The following ZNF831 variants were observed in gnomAD, a reference collection of about 807,000 sequenced individuals.
ZNF831 encodes zinc finger protein 831.
A neutral mutation model predicts 95.8 loss-of-function variants in ZNF831; 59 were observed. The observed-to-expected ratio is 0.62, with a 90% CI of 0.50 to 0.77. The LOEUF (loss-of-function observed/expected upper bound fraction) is 0.77, where lower values mean the gene tolerates loss of function less well. Ranked by LOEUF, ZNF831 falls within the 30% of genes least tolerant of loss-of-function variation. The pLI, the probability that ZNF831 is intolerant of heterozygous loss-of-function variation, is 0.00. For synonymous variants in ZNF831, 961 were observed against 925.5 expected, an observed-to-expected ratio of 1.04 and a Z score of -0.70; for missense variants, 2,205 against 2,164.0, an observed-to-expected ratio of 1.02 and a Z score of -0.38.
At chr20:59,149,155 GATCAGACCAGAGGTGCCATCAGAAA>G (rs1395295125) in intron 2 of ZNF831, among the ~76,000 whole-genome samples, 3 of 152,222 alleles carry the variant, frequency 2.0e-5, no homozygotes, top group African/African-American at 7.2e-5. Context: ...CTCTGTTTGA[GATCAGACCAGAGGTGCCATCAGAAA>G]ATCAACTGAA....
intron 4 of ZNF831, among the ~76,000 whole-genome samples, chr20:59,231,749 A>G (rs1017324110): frequency 6.6e-6 from 1 of 152,168 alleles, no homozygotes; most frequent in Admixed American, 6.5e-5. Context: ...TGCCGTTTGT[A>G]AAAGAAGGAG....
intron 1 of ZNF831, among the ~76,000 whole-genome samples, chr20:59,131,074 T>C (rs971754662): frequency 1.3e-5 from 2 of 152,170 alleles, no homozygotes; most frequent in African/African-American, 2.4e-5. Flanking sequence ...CCATCTCCCT[T>C]TGAAACACTC....
intron 1 of ZNF831, among the ~76,000 whole-genome samples, chr20:59,131,834 A>G (rs1979360469): frequency 6.6e-6 from 1 of 152,258 alleles, no homozygotes; most frequent in East Asian, 1.9e-4. Flanking sequence ...AGGCATGGCC[A>G]GGTCTTTAGA....
chr20:59,134,733 G>T (rs969650107), intron 1 of ZNF831, among the ~76,000 whole-genome samples: 1 of 152,208 alleles, frequency 6.6e-6, no homozygotes, highest in African/African-American at 2.4e-5. Flanking sequence ...TCTGGGATGG[G>T]AGCGTCTGTA....
Position 59,192,628 on chromosome 20 carries a change from C to G in ZNF831, c.1609C>G (p.Pro537Ala). 6.7e-7 allele frequency: 1 copy of G among 1,497,742 alleles called. No homozygotes were observed. Among genetic ancestry groups the G allele is most frequent in the Middle Eastern group, 1.8e-4 (1 of 5,616 alleles). The allele number at this position is 1,497,742 out of a possible 1,614,324, so 92.8% of individuals were successfully genotyped here. ...SRTQKPLSPR[P>A]GPARLGCRSG... ...GACGCAGAAGCCTCTGAGCCCCAGG[C>G]CCGGCCCAGCCCGCCTGGGCTGCCG... Residue 537 changes from proline (P) to alanine (A), a missense_variant, in exon 2 of 6, where the codon CCC becomes GCC. Coordinates refer to ENST00000371030, the MANE Select transcript of ZNF831 (RefSeq NM_178457.3). The surrounding 1 kb of genome is among the most constrained non-coding windows in gnomAD (Gnocchi z 5.2).
Position 59,258,514 on chromosome 20 carries a change from T to C in ZNF831, c.*3771T>C, listed in dbSNP as rs1235743707. The C allele has an allele frequency of 6.6e-6, 1 of 152,644 alleles. No individual in the cohort carries two copies. The highest frequency in any genetic ancestry group is 6.5e-5 in the Admixed American group (1 of 15,282). The allele number at this position is 152,644 out of a possible 1,614,324, so 9.5% of individuals were successfully genotyped here. On this transcript the variant is annotated 3_prime_UTR_variant, in exon 6 of 6. Coordinates refer to ENST00000371030, the MANE Select transcript of ZNF831 (RefSeq NM_178457.3). ...ATAGTTATGGAAACTGTCATCATTA[T>C]CGGAATGTGCTGCTGCTCAACTCCC...
intron 4 of ZNF831, among the ~76,000 whole-genome samples, chr20:59,249,979 A>G (rs543043371): frequency 1.8e-4 from 27 of 152,332 alleles, no homozygotes; most frequent in African/African-American, 5.3e-4. Context: ...GCTGACCCCA[A>G]GGAATGGAAT....
chr20:59,195,559 G>A (rs1984029363), intron 2 of ZNF831, among the ~76,000 whole-genome samples: 1 of 152,162 alleles, frequency 6.6e-6, no homozygotes, highest in Admixed American at 6.5e-5. Context: ...GGGTGTGGGG[G>A]CTCCCGGGGA....
rs996258471 is a variant in ZNF831, at chr20:59,258,451, G to C, written c.*3708G>C. ...ATTTTTTTCCCCAGCACAGAAATTT[G>C]CATTTTGCACAGAATTTGCCTGGTG... On this transcript the variant is annotated 3_prime_UTR_variant, in exon 6 of 6. Transcript: ENST00000371030. 1 of 152,568 alleles carries C rather than the reference G, an allele frequency of 6.6e-6. No individual in the cohort carries two copies. The highest frequency in any genetic ancestry group is 2.4e-5 in the African/African-American group (1 of 41,416). 9.5% of individuals were successfully genotyped at this position (152,568 alleles called of 1,614,324 possible).
chr20:59,186,344 TG>T (rs1744157047), intron 1 of ZNF831, among the ~76,000 whole-genome samples: 2 of 151,742 alleles, frequency 1.3e-5, no homozygotes, highest in South Asian at 4.2e-4. Flanking sequence ...AGCTGACGGA[TG>T]GGGGAAGAGA....
At chr20:59,247,156 A>G (rs543277902) in intron 4 of ZNF831, among the ~76,000 whole-genome samples, 1 of 152,348 alleles carries the variant, frequency 6.6e-6, no homozygotes, top group South Asian at 2.1e-4. Flanking sequence ...TTACATGTAT[A>G]GATGATTCAG....
At chr20:59,142,222 G>A (rs892958559) in intron 1 of ZNF831, among the ~76,000 whole-genome samples, 1 of 152,214 alleles carries the variant, frequency 6.6e-6, no homozygotes, top group Non-Finnish European at 1.5e-5. Context: ...CTATGAAGGA[G>A]CAGAGCCATG....
At chr20:59,252,279 GCTT>G (rs1435860723) in intron 4 of ZNF831, among the ~76,000 whole-genome samples, 1 of 152,120 alleles carries the variant, frequency 6.6e-6, no homozygotes, top group Non-Finnish European at 1.5e-5. Flanking sequence ...TGGGTCTAGT[GCTT>G]CTTCTCTAGT....
At position 59,136,676 on chromosome 20, in the gene ZNF831, A is replaced by G. The variant is rs371834403; in HGVS notation, c.-1424-9555A>G. Among the ~76,000 whole-genome samples the G allele has an allele frequency of 4.9e-4, 75 of 152,304 alleles. 2 individuals carry two copies. In the East Asian group the frequency reaches 0.014, roughly 28 times the overall value. ...GATATTTGGCTCATTCTAGGATAAAATGTTGGAATTTGGCCATATTCTTTT... is the reference window on the plus strand; with the variant it reads ...GATATTTGGCTCATTCTAGGATAAAGTGTTGGAATTTGGCCATATTCTTTT... On this transcript the variant is annotated intron_variant, in intron 1 of 7. Transcript: ENST00000637017.
intron 1 of ZNF831, among the ~76,000 whole-genome samples, chr20:59,176,013 G>T (rs932589202): frequency 4.6e-5 from 7 of 152,208 alleles, no homozygotes; most frequent in Non-Finnish European, 1.0e-4. Context: ...CTGGCTTTCT[G>T]CCAGGCCTTT....
rs945952595 is a variant in ZNF831, at chr20:59,207,063, C to G, written c.4027+7C>G. 3.1e-6 allele frequency: 5 copies of G among 1,613,610 alleles called. No homozygotes were observed. In the East Asian group the frequency reaches 1.1e-4, roughly 36 times the overall value. ...ACCTCTTCAGAAATAGCAGGTAATGCTCTCTTTGGAGGTGCATCCAGACTG... is the reference window on the plus strand; with the variant it reads ...ACCTCTTCAGAAATAGCAGGTAATGGTCTCTTTGGAGGTGCATCCAGACTG... On this transcript the variant is annotated splice_region_variant and intron_variant, in intron 4 of 5. Transcript: ENST00000371030.
At chr20:59,147,439 C>T (rs1439192507) in intron 2 of ZNF831, among the ~76,000 whole-genome samples, 2 of 152,244 alleles carry the variant, frequency 1.3e-5, no homozygotes, top group Non-Finnish European at 2.9e-5. Flanking sequence ...CTGACCTTGT[C>T]CCCTCTGGGT....
Position 59,192,370 on chromosome 20 carries a change from T to C in ZNF831, c.1351T>C (p.Ser451Pro), listed in dbSNP as rs2146564523. Residue 451 changes from serine (S) to proline (P), a missense_variant, in exon 2 of 6, where the codon TCC becomes CCC. Coordinates refer to ENST00000371030, the MANE Select transcript of ZNF831 (RefSeq NM_178457.3). The surrounding 1 kb of genome is among the most constrained non-coding windows in gnomAD (Gnocchi z 5.2). ...GCCCACGCCCTACACCTACAAGGAC[T>C]CCTTCCACTTTGACATCCGCGCGCT... ...DLPTPYTYKD[S>P]FHFDIRALEP... 3.7e-6 allele frequency: 6 copies of C among 1,611,858 alleles called. No individual in the cohort carries two copies. The highest frequency in any genetic ancestry group is 5.1e-6 in the Non-Finnish European group (6 of 1,179,416).
intron 2 of ZNF831, among the ~76,000 whole-genome samples, chr20:59,151,053 A>T (rs904050255): frequency 2.0e-5 from 3 of 152,214 alleles, no homozygotes; most frequent in Admixed American, 6.5e-5. Context: ...CCGATAGTGC[A>T]GGGGTACCGG....
Sources: gnomAD v4.1 joint callset for allele counts (sites outside exome capture counted in the v4.1 genomes callset) on GRCh38, gnomAD v4.1.1 for gene constraint, Gnocchi (gnomAD v3.1) non-coding constraint, MANE v1.5 for transcripts, NCBI Gene and HGNC (gene_info 2026-07-23, HGNC 2026-07-21) for gene names.